Variants in ABTB2 observed in about 807,000 individuals in gnomAD.
The protein encoded by ABTB2 is ankyrin repeat and BTB/POZ domain-containing protein 2.
ABTB2 carries 56 observed loss-of-function variants against 104.1 expected under a neutral mutation model. The ratio of observed to expected loss-of-function variants is 0.54; its 90% CI spans 0.43 to 0.67. The LOEUF (loss-of-function observed/expected upper bound fraction) is 0.67. Ranked by LOEUF, ABTB2 falls within the 30% of genes least tolerant of loss-of-function variation. The probability of loss-of-function intolerance (pLI) is 0.00; values close to 1 mark genes in which losing one functional copy is unlikely to be tolerated. For synonymous variants in ABTB2, 606 were observed against 608.2 expected, an observed-to-expected ratio of 1.00 and a Z score of 0.05; for missense variants, 1,279 against 1,407.7, an observed-to-expected ratio of 0.91 and a Z score of 1.46.
At chr11:34,162,028 T>C (rs2473923) in intron 10 of ABTB2, among the ~76,000 whole-genome samples, 143,089 of 152,240 alleles carry the variant, frequency 0.94, 67,892 homozygotes, top group Middle Eastern at 1. Context: ...TGATGTCACC[T>C]CATTCTTAGA....
intron 1 of ABTB2, among the ~76,000 whole-genome samples, chr11:34,236,495 G>C (rs529117293): frequency 1.9e-4 from 29 of 152,228 alleles, no homozygotes; most frequent in African/African-American, 6.7e-4. Flanking sequence ...ACTCTGTGCC[G>C]CCAGTTTTCC....
rs1374938744 is a variant in ABTB2 at position 34,254,216 on chromosome 11, G to A, written c.884-49526C>T. ...TCCATGACTGTAAACTCATAAACTC[G>A]TGTTCTTTCTGACACCGAGAAATAA... On this transcript the variant is annotated intron_variant, in intron 1 of 16. Transcript: ENST00000435224. 4.6e-5 allele frequency among the ~76,000 whole-genome samples: 7 copies of A among 151,836 alleles called. No homozygotes were observed. The South Asian group carries it at 8.3e-4, about 18-fold the overall frequency.
intron 1 of ABTB2, among the ~76,000 whole-genome samples, chr11:34,282,952 A>G (rs2133087917): frequency 6.6e-6 from 1 of 151,514 alleles, no homozygotes; most frequent in East Asian, 1.9e-4. Flanking sequence ...TTTGTCGCCC[A>G]GGCTGGAGTG....
rs185448015 is a variant in ABTB2 at position 34,258,452 on chromosome 11, C to A, written c.884-53762G>T. Among the ~76,000 whole-genome samples, 92 of 152,238 alleles carry A rather than the reference C, an allele frequency of 6.0e-4. 1 individual carries two copies. The East Asian group carries it at 0.016, about 26-fold the overall frequency. On this transcript the variant is annotated intron_variant, in intron 1 of 16. Coordinates refer to ENST00000435224, the MANE Select transcript of ABTB2 (RefSeq NM_145804.3). ...GACACAATAGTAGACTGAAGACAAT[C>A]CAGTGTTGCTCTAGGCAACTTATTT...
At chr11:34,259,633 T>C (rs777419575) in intron 1 of ABTB2, among the ~76,000 whole-genome samples, 6 of 152,204 alleles carry the variant, frequency 3.9e-5, no homozygotes, top group Non-Finnish European at 7.3e-5. Flanking sequence ...TTTCAGCAGC[T>C]GGGATCTGGC....
At chr11:34,224,432 C>T (rs1853661977) in intron 1 of ABTB2, among the ~76,000 whole-genome samples, 1 of 152,128 alleles carries the variant, frequency 6.6e-6, no homozygotes, top group Admixed American at 6.6e-5. Context: ...CGTGGTGTAC[C>T]CCTTTCTGGA....
intron 1 of ABTB2, among the ~76,000 whole-genome samples, chr11:34,238,234 C>T (rs963271694): frequency 1.3e-5 from 2 of 152,160 alleles, no homozygotes; most frequent in East Asian, 3.8e-4. Context: ...TTCCTTTCCC[C>T]TGGCATCTGC....
intron 1 of ABTB2, among the ~76,000 whole-genome samples, chr11:34,224,421 G>A (rs1218193407): frequency 6.6e-6 from 1 of 152,150 alleles, no homozygotes; most frequent in African/African-American, 2.4e-5. Context: ...GAGATTACAG[G>A]CGTGGTGTAC....
At chr11:34,285,649 T>G (rs1362589254) in intron 1 of ABTB2, among the ~76,000 whole-genome samples, 1 of 152,166 alleles carries the variant, frequency 6.6e-6, no homozygotes, top group African/African-American at 2.4e-5. Flanking sequence ...CCGTCACACG[T>G]GCACAAAATG....
intron 3 of ABTB2, among the ~76,000 whole-genome samples, chr11:34,195,072 C>T (rs1260405469): frequency 7.0e-4 from 9 of 12,864 alleles, no homozygotes; most frequent in Non-Finnish European, 1.5e-3. Flanking sequence ...CAAAGATGCC[C>T]GGCGGGGGGG....
At chr11:34,254,415 T>G (rs191136694) in intron 1 of ABTB2, among the ~76,000 whole-genome samples, 1 of 151,814 alleles carries the variant, frequency 6.6e-6, no homozygotes, top group East Asian at 1.9e-4. Flanking sequence ...ACCTGGCTAA[T>G]TTTTGTATTT....
At chr11:34,229,275 G>A (rs1853732792) in intron 1 of ABTB2, among the ~76,000 whole-genome samples, 1 of 151,830 alleles carries the variant, frequency 6.6e-6, no homozygotes, top group Non-Finnish European at 1.5e-5. Flanking sequence ...AAAGTCAGGA[G>A]ATCAAGACCA....
At chr11:34,171,093 G>T in intron 4 of ABTB2, 22 bp from the exon 5 acceptor site, 4 of 1,611,464 alleles carry the variant, frequency 2.5e-6, no homozygotes, top group Non-Finnish European at 3.4e-6. Flanking sequence ...AGACCCAAAG[G>T]TGCGTGTGAC....
At chr11:34,255,680 G>C (rs1023382982) in intron 1 of ABTB2, among the ~76,000 whole-genome samples, 4 of 152,024 alleles carry the variant, frequency 2.6e-5, no homozygotes, top group Non-Finnish European at 5.9e-5. Flanking sequence ...ACCACACTTG[G>C]CTAATTTTTA....
Position 34,335,895 on chromosome 11 carries a change from A to G in ABTB2, c.883+20806T>C, listed in dbSNP as rs908108998. 1.2e-5 allele frequency: 10 copies of G among 800,664 alleles called. No homozygotes were observed. In the Admixed American group the frequency reaches 2.3e-4, roughly 18 times the overall value. The allele number at this position is 800,664 out of a possible 1,614,324, so 49.6% of individuals were successfully genotyped here. On this transcript the variant is annotated intron_variant, in intron 1 of 16. Coordinates refer to ENST00000435224, the MANE Select transcript of ABTB2 (RefSeq NM_145804.3). The stretch of plus-strand genomic sequence containing the variant: ...CGGCCACATGAGACACCTAAACCTG[A>G]CAATCCTGCGGTTGAAAAGGCTTTG...
intron 1 of ABTB2, among the ~76,000 whole-genome samples, chr11:34,242,172 G>A (rs562874750): frequency 2.0e-5 from 3 of 152,148 alleles, no homozygotes; most frequent in Non-Finnish European, 2.9e-5. Context: ...GTCAAGATTC[G>A]GTCATGCTTG....
chr11:34,214,214 C>T (rs556041067), intron 1 of ABTB2, among the ~76,000 whole-genome samples: 4 of 150,052 alleles, frequency 2.7e-5, no homozygotes, highest in South Asian at 2.1e-4. Context: ...ATGAAGCAGT[C>T]GTAGACTCAG....
In ABTB2 at chr11:34,356,764, C is replaced by T; in HGVS notation, c.820G>A (p.Asp274Asn). 1.2e-6 allele frequency: 2 copies of T among 1,611,580 alleles called. No homozygotes were observed. The highest frequency in any genetic ancestry group is 4.5e-5 in the East Asian group (2 of 44,850). ...TGCAAGACGCCCCAGAGCTCGGCGTCGTTGTTGATGACCATCTCCAGGGCC... is the reference window on the plus strand; with the variant it reads ...TGCAAGACGCCCCAGAGCTCGGCGTTGTTGTTGATGACCATCTCCAGGGCC... ...AEALEMVINN[D>N]AELWGVLQPY... Residue 274 changes from aspartate (D) to asparagine (N), a missense_variant, in exon 1 of 17, where the codon GAC becomes AAC. Physicochemically the swap from Asp to Asn is conservative, Grantham distance 23. Transcript: ENST00000435224. This position sits in a 1 kb window ranked among gnomAD's most constrained non-coding sequence, Gnocchi z 4.6.
At chr11:34,338,008 T>G (rs1033560558) in intron 1 of ABTB2, among the ~76,000 whole-genome samples, 1 of 151,650 alleles carries the variant, frequency 6.6e-6, no homozygotes, top group African/African-American at 2.4e-5. Flanking sequence ...GAGCGCAGAA[T>G]AAAATCCACC....
Sources: gnomAD v4.1 joint callset for allele counts (sites outside exome capture counted in the v4.1 genomes callset) on GRCh38, gnomAD v4.1.1 for gene constraint, Gnocchi (gnomAD v3.1) non-coding constraint, MANE v1.5 for transcripts, NCBI Gene and HGNC (gene_info 2026-07-23, HGNC 2026-07-21) for gene names.